Variants in ALCAM observed in about 807,000 individuals in gnomAD.
ALCAM encodes activated leukocyte cell adhesion molecule, also known as CD166 antigen.
Under a neutral mutation model 70.9 loss-of-function variants are expected in ALCAM, and 30 were observed. The observed-to-expected ratio is 0.42, with a 90% CI of 0.32 to 0.57. ALCAM has a LOEUF of 0.57. Among genes scored for constraint, ALCAM ranks in the 20% least tolerant of loss-of-function variants. The pLI is 0.11. For synonymous variants in ALCAM, 249 were observed against 242.5 expected (o/e 1.03, Z -0.25); for missense variants, 591 against 695.1 (o/e 0.85, Z 1.68).
intron 1 of ALCAM, among the ~76,000 whole-genome samples, chr3:105,462,499 A>G (rs1043501951): frequency 7.3e-5 from 11 of 151,542 alleles, no homozygotes; most frequent in Non-Finnish European, 1.2e-4. Flanking sequence ...GCTCTTTTTA[A>G]AATATGACAG....
chr3:105,518,245 G>A lies in ALCAM; in HGVS notation c.74-1822G>A, dbSNP rs374895304. On this transcript the variant is annotated intron_variant, in intron 1 of 15. Coordinates refer to ENST00000306107, the MANE Select transcript of ALCAM (RefSeq NM_001627.4). ...AAGGAAGGTATGATTTCAAATAATA[G>A]GAGACAATTACAGGTGCATGCCCTG... Among the ~76,000 whole-genome samples, 44 of 152,194 alleles carry A rather than the reference G, an allele frequency of 2.9e-4. No homozygotes were observed. In the East Asian group the frequency reaches 4.3e-3, roughly 15 times the overall value.
intron 1 of ALCAM, among the ~76,000 whole-genome samples, chr3:105,516,171 G>C (rs1939375281): frequency 1.3e-5 from 2 of 151,650 alleles, no homozygotes; most frequent in South Asian, 4.2e-4. Flanking sequence ...CTTGAAATGT[G>C]GTAGCAGATT....
At chr3:105,376,319 C>T (rs181100221) in intron 1 of ALCAM, among the ~76,000 whole-genome samples, 8 of 152,284 alleles carry the variant, frequency 5.3e-5, no homozygotes, top group African/African-American at 1.9e-4. Context: ...AGCAAATTAA[C>T]CACAATTCCT....
At chr3:105,432,826 A>C (rs1244649992) in intron 1 of ALCAM, among the ~76,000 whole-genome samples, 1 of 152,218 alleles carries the variant, frequency 6.6e-6, no homozygotes, top group South Asian at 2.1e-4. Context: ...GAGTTTCAGC[A>C]AAACAAATGA....
chr3:105,565,612 T>C (rs1940726851), intron 14 of ALCAM, among the ~76,000 whole-genome samples: 1 of 152,214 alleles, frequency 6.6e-6, no homozygotes, highest in African/African-American at 2.4e-5. Flanking sequence ...ATTCATTTTT[T>C]CTCCCAATTA....
At chr3:105,569,793 T>G (rs1303031937) in intron 14 of ALCAM, among the ~76,000 whole-genome samples, 4 of 152,200 alleles carry the variant, frequency 2.6e-5, no homozygotes, top group African/African-American at 9.7e-5. Context: ...CAGTGTTTCC[T>G]TGGGGCAGAT....
At chr3:105,460,415 A>G (rs1380295919) in intron 1 of ALCAM, among the ~76,000 whole-genome samples, 2 of 152,016 alleles carry the variant, frequency 1.3e-5, no homozygotes, top group South Asian at 2.1e-4. Flanking sequence ...CATTTCACCA[A>G]TTGTCTCTTA....
chr3:105,550,813 G>A (rs1245010036), intron 12 of ALCAM, among the ~76,000 whole-genome samples: 3 of 151,490 alleles, frequency 2.0e-5, no homozygotes, highest in Non-Finnish European at 4.4e-5. Flanking sequence ...AACTATAGCC[G>A]AAAATCAGAT....
chr3:105,487,383 G>T lies in ALCAM; in HGVS notation c.74-32684G>T, dbSNP rs1276560274. Among the ~76,000 whole-genome samples, 4 of 152,082 alleles carry T rather than the reference G, an allele frequency of 2.6e-5. No homozygotes were observed. The South Asian group carries it at 6.2e-4, about 24-fold the overall frequency. ...GCACAGAACTTCCATCTAATAGATG[G>T]AGTGTACATCTAACATAAGGCCAAG... On this transcript the variant is annotated intron_variant, in intron 1 of 15. Coordinates refer to ENST00000306107, the MANE Select transcript of ALCAM (RefSeq NM_001627.4).
chr3:105,520,266 A>G (rs1486575216), intron 2 of ALCAM, 99 bp downstream of exon 2: 4 of 838,854 alleles, frequency 4.8e-6, no homozygotes, highest in Non-Finnish European at 8.0e-6. Context: ...CCTAAATGCA[A>G]TATTAAACTG....
At chr3:105,459,650 C>A (rs953236738) in intron 1 of ALCAM, among the ~76,000 whole-genome samples, 1 of 151,872 alleles carries the variant, frequency 6.6e-6, no homozygotes, top group African/African-American at 2.4e-5. Flanking sequence ...TCATGTGATA[C>A]CTAGAAAAAT....
chr3:105,509,763 G>A lies in ALCAM; in HGVS notation c.74-10304G>A, dbSNP rs150299437. Among the ~76,000 whole-genome samples the A allele has an allele frequency of 5.2e-3, 787 of 152,010 alleles. 4 individuals carry two copies. The highest frequency in any genetic ancestry group is 0.017 in the African/African-American group (709 of 41,490). On this transcript the variant is annotated intron_variant, in intron 1 of 15. Coordinates refer to ENST00000306107, the MANE Select transcript of ALCAM (RefSeq NM_001627.4). ...CCTGCGTATTTTAATTTTGTTGCCT[G>A]TGCTTTTGGTGTCTTATCCAAAAAA...
rs1935122449 is a variant in ALCAM, at chr3:105,368,223, A to AAGACAGAGAGAGAGAG, written c.73+745_73+746insCAGAGAGAGAGAGAGA. ...TTCTCAGTTCTGTACTGAGTCTTGGAAGAGAGAGAGAGAGAGAGAGAGAGA... is the reference window on the plus strand; with the variant it reads ...TTCTCAGTTCTGTACTGAGTCTTGGAAGACAGAGAGAGAGAGAGAGAGAGAGAGAGAGAGAGAGAGA... On this transcript the variant is annotated intron_variant, in intron 1 of 15. Transcript: ENST00000306107. Among the ~76,000 whole-genome samples, 9 of 67,832 alleles carry AAGACAGAGAGAGAGAG rather than the reference A, an allele frequency of 1.3e-4. No individual in the cohort carries two copies. The South Asian group carries it at 6.6e-3, about 50-fold the overall frequency. The allele number at this position is 67,832 out of a possible 152,430, so 44.5% of individuals were successfully genotyped here.
At chr3:105,377,958 A>G (rs1270687400) in intron 1 of ALCAM, among the ~76,000 whole-genome samples, 1 of 152,042 alleles carries the variant, frequency 6.6e-6, no homozygotes, top group Non-Finnish European at 1.5e-5. Flanking sequence ...TATAATAGTC[A>G]TTACTAAACA....
intron 1 of ALCAM, among the ~76,000 whole-genome samples, chr3:105,381,035 T>G: frequency 6.6e-6 from 1 of 151,898 alleles, no homozygotes; most frequent in East Asian, 1.9e-4. Context: ...AGTTTCCCAG[T>G]TGGGTGGCAT....
At chr3:105,373,674 T>C (rs1316384372) in intron 1 of ALCAM, among the ~76,000 whole-genome samples, 1 of 152,226 alleles carries the variant, frequency 6.6e-6, no homozygotes, top group Non-Finnish European at 1.5e-5. Context: ...TATTATGATA[T>C]TGGTGACTTT....
chr3:105,385,300 G>C (rs943724400), intron 1 of ALCAM, among the ~76,000 whole-genome samples: 1 of 151,688 alleles, frequency 6.6e-6, no homozygotes, highest in East Asian at 1.9e-4. Context: ...TGTGATTTCT[G>C]TAAAAGAGAG....
rs561501498 is a variant in ALCAM, at chr3:105,407,728, G to C, written c.73+40247G>C. 3.3e-5 allele frequency among the ~76,000 whole-genome samples: 5 copies of C among 152,246 alleles called. No homozygotes were observed. The South Asian group carries it at 1.0e-3, about 32-fold the overall frequency. On this transcript the variant is annotated intron_variant, in intron 1 of 15. Coordinates refer to ENST00000306107, the MANE Select transcript of ALCAM (RefSeq NM_001627.4). Reference sequence around the variant, plus strand: ...CTGGAAGTCCTATTCAGAGCAATCAGATAAGAGAAAGAAATAAAGGGCATC... The same window carrying C: ...CTGGAAGTCCTATTCAGAGCAATCACATAAGAGAAAGAAATAAAGGGCATC...
At chr3:105,512,945 A>G (rs959545801) in intron 1 of ALCAM, among the ~76,000 whole-genome samples, 11 of 151,880 alleles carry the variant, frequency 7.2e-5, no homozygotes, top group Non-Finnish European at 1.6e-4. Flanking sequence ...TAGTATAAAG[A>G]AAAACATACT....
Sources: allele counts gnomAD v4.1 joint callset (sites outside exome capture counted in the v4.1 genomes callset), GRCh38; gene constraint gnomAD v4.1.1; transcripts MANE v1.5; gene names NCBI Gene and HGNC (gene_info 2026-07-23, HGNC 2026-07-21).